KIRREL1: variants seen among roughly 807,000 people sequenced by gnomAD.
KIRREL1 encodes kin of IRRE-like protein 1.
A neutral mutation model predicts 83.3 loss-of-function variants in KIRREL1; 25 were observed. The ratio of observed to expected loss-of-function variants is 0.30; its 90% CI spans 0.22 to 0.42. The LOEUF (loss-of-function observed/expected upper bound fraction) is 0.42. Among genes scored for constraint, KIRREL1 ranks in the 10% least tolerant of loss-of-function variants. KIRREL1 has a pLI of 1.00. For synonymous variants in KIRREL1, 388 were observed against 410.4 expected (o/e 0.95, Z 0.66); for missense variants, 812 against 1,032.3 (o/e 0.79, Z 2.92).
At chr1:157,995,259 C>T (rs563872030) in intron 1 of KIRREL1, among the ~76,000 whole-genome samples, 69 of 152,306 alleles carry the variant, frequency 4.5e-4, no homozygotes, top group African/African-American at 1.6e-3. Flanking sequence ...TCATTTCTCC[C>T]CACAGGGCAC....
At chr1:158,092,546 A>G (rs1662232539) in intron 11 of KIRREL1, among the ~76,000 whole-genome samples, 1 of 151,842 alleles carries the variant, frequency 6.6e-6, no homozygotes, top group African/African-American at 2.4e-5. Context: ...ACGGGTTTTC[A>G]CCGTGTTAGC....
intron 1 of KIRREL1, among the ~76,000 whole-genome samples, chr1:158,028,900 C>T (rs1421993892): frequency 6.6e-6 from 1 of 152,196 alleles, no homozygotes; most frequent in East Asian, 1.9e-4. Context: ...GTACATTCCA[C>T]TGCACAACAC....
rs1662068933 is a variant in KIRREL1, at chr1:158,088,039, C to A, written c.801C>A (p.Ala267=). 2 of 1,614,046 alleles carry A rather than the reference C, an allele frequency of 1.2e-6. No homozygotes were observed. Among genetic ancestry groups the A allele is most frequent in the South Asian group, 2.2e-5 (2 of 91,086 alleles). ...AAGGGGGTTTCTTGATTGAAGACGC[C>A]CACGAGAGTCGCTATGAGACAAATG... is the stretch of plus-strand genomic sequence containing the variant. ...WAKGGFLIED[A]HESRYETNVD... The change falls in exon 7 of 15, where the codon GCC becomes GCA. Residue 267 remains alanine (A), a synonymous_variant. Coordinates refer to ENST00000359209, the MANE Select transcript of KIRREL1 (RefSeq NM_018240.7).
chr1:158,043,428 A>G (rs1039202115), intron 1 of KIRREL1, among the ~76,000 whole-genome samples: 14 of 151,900 alleles, frequency 9.2e-5, no homozygotes, highest in Admixed American at 2.6e-4. Flanking sequence ...CCTTCCCCCA[A>G]CCTGTGGCCT....
intron 1 of KIRREL1, among the ~76,000 whole-genome samples, chr1:158,004,651 C>G (rs576396051): frequency 6.6e-6 from 1 of 152,146 alleles, no homozygotes. Context: ...TCATTTTAAA[C>G]CCTGTCTTTC....
intron 1 of KIRREL1, among the ~76,000 whole-genome samples, chr1:157,998,090 A>G (rs560982090): frequency 6.6e-6 from 1 of 152,164 alleles, no homozygotes; most frequent in Non-Finnish European, 1.5e-5. Flanking sequence ...AGCTAGTCTC[A>G]AACTCCAAGG....
At chr1:157,998,001 C>T (rs761979346) in intron 1 of KIRREL1, among the ~76,000 whole-genome samples, 8 of 152,096 alleles carry the variant, frequency 5.3e-5, no homozygotes, top group Non-Finnish European at 8.8e-5. Context: ...ACCTCAGCCT[C>T]CTAAGTAGCT....
Position 158,084,593 on chromosome 1 carries a change from A to G in KIRREL1, c.510+14A>G, listed in dbSNP as rs1661966357. The stretch of plus-strand genomic sequence containing the variant: ...GTGGCCAGCACGGTGAGCTCCAGCC[A>G]GCTCCCCCAGCTCCTCCTGGGCCTA... On this transcript the variant is annotated intron_variant, in intron 4 of 14. Transcript: ENST00000359209. 6.5e-7 allele frequency: 1 copy of G among 1,549,890 alleles called. No homozygotes were observed. Among genetic ancestry groups the G allele is most frequent in the Admixed American group, 2.0e-5 (1 of 50,846 alleles).
At chr1:157,997,391 G>A (rs1238878) in intron 1 of KIRREL1, among the ~76,000 whole-genome samples, 144,097 of 152,176 alleles carry the variant, frequency 0.95, 68,687 homozygotes, top group East Asian at 1. Context: ...TGCTATCTTG[G>A]CTTTGAGGTG....
intron 1 of KIRREL1, among the ~76,000 whole-genome samples, chr1:158,024,743 G>A (rs1660117024): frequency 6.6e-6 from 1 of 152,156 alleles, no homozygotes; most frequent in African/African-American, 2.4e-5. Flanking sequence ...AGGGGATCGT[G>A]GTGTTTTCCC....
At chr1:158,036,133 C>T (rs1212685492) in intron 1 of KIRREL1, among the ~76,000 whole-genome samples, 1 of 152,180 alleles carries the variant, frequency 6.6e-6, no homozygotes, top group Non-Finnish European at 1.5e-5. Context: ...ATAGAAGGGA[C>T]CTTGGGCCTT....
intron 8 of KIRREL1, 44 bp from the exon 9 acceptor site, chr1:158,089,458 C>T: frequency 6.2e-7 from 1 of 1,612,254 alleles, no homozygotes; most frequent in Non-Finnish European, 8.5e-7. Flanking sequence ...ACCTAGGGGC[C>T]CAGGCCTCCT....
intron 1 of KIRREL1, among the ~76,000 whole-genome samples, chr1:158,072,854 C>T (rs1255656784): frequency 1.6e-5 from 2 of 125,964 alleles, no homozygotes; most frequent in Admixed American, 8.3e-5. Context: ...AGGCCTCGGA[C>T]AGGGCATGGC....
chr1:157,997,528 T>A (rs935259951), intron 1 of KIRREL1, among the ~76,000 whole-genome samples: 1 of 152,086 alleles, frequency 6.6e-6, no homozygotes, highest in African/African-American at 2.4e-5. Flanking sequence ...GGTCCTGGGC[T>A]TCAGTAAGTG....
chr1:158,079,540 C>T (rs891785925), intron 3 of KIRREL1, among the ~76,000 whole-genome samples: 1 of 152,338 alleles, frequency 6.6e-6, no homozygotes, highest in East Asian at 1.9e-4. Context: ...AGGCTGGTCT[C>T]GAAATCCTTA....
Position 158,088,425 on chromosome 1 carries a change from C to G in KIRREL1, c.1015C>G (p.Leu339Val). Reference sequence around the variant, plus strand: ...CTGGGTTGGGAATCCCCCCCTCACTCTCACCTGGACCAAAAAGGACTCAAA... The same window carrying G: ...CTGGGTTGGGAATCCCCCCCTCACTGTCACCTGGACCAAAAAGGACTCAAA... ...CVWVGNPPLT[L>V]TWTKKDSNMV... is the part of the protein sequence containing the mutation. The change falls in exon 8 of 15, where the codon CTC (leucine) becomes GTC (valine). Residue 339 changes from leucine (L) to valine (V), a missense_variant. Leu to Val is a conservative substitution (Grantham distance 32). This residue lies in a region of KIRREL1 where 472 missense variants were observed against 626.8 expected (regional missense o/e 0.75). Transcript: ENST00000359209. The G allele has an allele frequency of 6.2e-7, 1 of 1,610,698 alleles. No individual in the cohort carries two copies. The highest frequency in any genetic ancestry group is 8.5e-7 in the Non-Finnish European group (1 of 1,179,028).
chr1:158,001,761 G>A (rs1343840171), intron 1 of KIRREL1, among the ~76,000 whole-genome samples: 2 of 152,156 alleles, frequency 1.3e-5, no homozygotes, highest in Non-Finnish European at 2.9e-5. Context: ...GAGGATTTGG[G>A]TTGGTTTGGG....
At chr1:158,033,617 G>A (rs1039678257) in intron 1 of KIRREL1, among the ~76,000 whole-genome samples, 1 of 152,208 alleles carries the variant, frequency 6.6e-6, no homozygotes, top group Non-Finnish European at 1.5e-5. Context: ...AAAGCCTACT[G>A]CTGCAGAGAG....
In KIRREL1 at chr1:158,076,175, G is replaced by A. The variant is rs191487619; in HGVS notation, c.115G>A (p.Val39Met). 9,210 of 1,614,042 alleles carry A rather than the reference G, an allele frequency of 5.7e-3. 42 individuals are homozygous for A. The highest frequency in any genetic ancestry group is 6.8e-3 in the Non-Finnish European group (8,067 of 1,179,946). Residue 39 changes from valine (V) to methionine (M), a missense_variant, in exon 2 of 15, where the codon GTG becomes ATG. Val to Met is a conservative substitution (Grantham distance 21, BLOSUM62 1). This residue lies in a region of KIRREL1 where 472 missense variants were observed against 626.8 expected (regional missense o/e 0.75). Coordinates refer to ENST00000359209, the MANE Select transcript of KIRREL1 (RefSeq NM_018240.7). The stretch of plus-strand genomic sequence containing the variant: ...GACGGTGGTGGCTGGACAGCGGGCC[G>A]TGCTCCCCTGTGTGCTGCTCAACTA... Reference protein sequence around the residue: ...DQTVVAGQRAVLPCVLLNYSG... With the variant: ...DQTVVAGQRAMLPCVLLNYSG...
Sources: gnomAD v4.1 joint callset for allele counts (sites outside exome capture counted in the v4.1 genomes callset) on GRCh38, gnomAD v4.1.1 for gene constraint, gnomAD v4.1.1 regional missense constraint, MANE v1.5 for transcripts, NCBI Gene and HGNC (gene_info 2026-07-23, HGNC 2026-07-21) for gene names.